Variants in KPNA1 observed in about 807,000 individuals in gnomAD.
KPNA1 encodes the protein importin subunit alpha-5.
In KPNA1, 10 loss-of-function variants were observed where a neutral mutation model predicts 70.5. That is an observed-to-expected ratio of 0.14 (90% CI 0.09 to 0.24). The LOEUF (loss-of-function observed/expected upper bound fraction) is 0.24, where lower values mean the gene tolerates loss of function less well. Ranked by LOEUF, KPNA1 falls within the 10% of genes least tolerant of loss-of-function variation. The pLI is 1.00. For missense variants in KPNA1, 397 were observed against 637.9 expected, an observed-to-expected ratio of 0.62 and a Z score of 4.07; for synonymous variants, 192 against 221.9, an observed-to-expected ratio of 0.87 and a Z score of 1.20.
At chr3:122,436,872 G>A (rs574429371) in intron 11 of KPNA1, among the ~76,000 whole-genome samples, 8 of 152,284 alleles carry the variant, frequency 5.3e-5, no homozygotes, top group East Asian at 3.9e-4. Context: ...CTACCTCCAC[G>A]GTTCAAGTAA....
intron 2 of KPNA1, among the ~76,000 whole-genome samples, chr3:122,494,519 G>A (rs905638572): frequency 2.6e-5 from 4 of 152,102 alleles, no homozygotes; most frequent in African/African-American, 9.7e-5. Context: ...GTACTGTGCT[G>A]TTTTCAATTA....
intron 4 of KPNA1, among the ~76,000 whole-genome samples, chr3:122,463,191 A>C (rs1423230483): frequency 6.6e-6 from 1 of 152,150 alleles, no homozygotes; most frequent in Admixed American, 6.5e-5. Flanking sequence ...TACTAAAAAT[A>C]CAAAAAATTA....
intron 1 of KPNA1, among the ~76,000 whole-genome samples, chr3:122,506,945 GTGTAAGAC>G: frequency 6.6e-6 from 1 of 152,278 alleles, no homozygotes; most frequent in Middle Eastern, 3.4e-3. Flanking sequence ...CTAGTAGTAT[GTGTAAGAC>G]TGTTCACTGC....
chr3:122,468,512 T>G (rs1398149943), intron 2 of KPNA1, among the ~76,000 whole-genome samples: 1 of 152,172 alleles, frequency 6.6e-6, no homozygotes, highest in Non-Finnish European at 1.5e-5. Flanking sequence ...AAAGGCCTAT[T>G]TAACAGTAGT....
chr3:122,480,673 A>G (rs1279834244), intron 2 of KPNA1, among the ~76,000 whole-genome samples: 1 of 147,676 alleles, frequency 6.8e-6, no homozygotes, highest in Non-Finnish European at 1.5e-5. Context: ...TTCTCATTTA[A>G]AAAAAAAAAA....
chr3:122,466,925 C>A (rs2076386142), intron 3 of KPNA1, among the ~76,000 whole-genome samples: 1 of 151,828 alleles, frequency 6.6e-6, no homozygotes, highest in Non-Finnish European at 1.5e-5. Context: ...CACTTAAGCC[C>A]AGGAGTTCGA....
At chr3:122,449,815 C>G (rs1469435526) in intron 8 of KPNA1, 78 bp from the exon 9 acceptor site, 7 of 1,179,330 alleles carry the variant, frequency 5.9e-6, no homozygotes, top group Non-Finnish European at 8.4e-6. Flanking sequence ...AGAAGGCAAC[C>G]AGGCATGTAC....
chr3:122,514,734 G>A (rs2076999193), intron 1 of KPNA1, 23 bp downstream of exon 1: 1 of 152,350 alleles, frequency 6.6e-6, no homozygotes, highest in Non-Finnish European at 1.5e-5. Context: ...GAGGGGCCGG[G>A]GCCGCAAGGC....
At chr3:122,470,280 C>T (rs1450303096) in intron 2 of KPNA1, among the ~76,000 whole-genome samples, 1 of 151,920 alleles carries the variant, frequency 6.6e-6, no homozygotes, top group African/African-American at 2.4e-5. Flanking sequence ...TGGGAGGAGG[C>T]GGCGGGTGGA....
intron 2 of KPNA1, among the ~76,000 whole-genome samples, chr3:122,470,359 A>C (rs2076427157): frequency 6.6e-6 from 1 of 151,942 alleles, no homozygotes. Context: ...AAAAATACAA[A>C]AAATTAGCCG....
intron 2 of KPNA1, among the ~76,000 whole-genome samples, chr3:122,477,349 T>C (rs897030484): frequency 4.6e-5 from 7 of 152,196 alleles, no homozygotes; most frequent in African/African-American, 7.2e-5. Flanking sequence ...AAGAGATCTA[T>C]TGTACAACAT....
At chr3:122,496,943 A>T (rs529931518) in intron 1 of KPNA1, among the ~76,000 whole-genome samples, 2 of 152,164 alleles carry the variant, frequency 1.3e-5, no homozygotes, top group Non-Finnish European at 2.9e-5. Context: ...GCTTCAAGTG[A>T]TCCCCCAACC....
intron 2 of KPNA1, among the ~76,000 whole-genome samples, chr3:122,478,568 A>G (rs2076532292): frequency 6.6e-6 from 1 of 152,014 alleles, no homozygotes; most frequent in Non-Finnish European, 1.5e-5. Context: ...CTAAAAATAC[A>G]AAAATTAGCT....
intron 2 of KPNA1, among the ~76,000 whole-genome samples, chr3:122,468,001 T>C (rs1232383371): frequency 6.6e-6 from 1 of 152,168 alleles, no homozygotes; most frequent in Non-Finnish European, 1.5e-5. Flanking sequence ...ACGAGGGTGA[T>C]TACCATTATA....
At chr3:122,467,238 C>T in intron 3 of KPNA1, 84 bp downstream of exon 3, 1 of 643,240 alleles carries the variant, frequency 1.6e-6, no homozygotes, top group South Asian at 2.1e-5. Flanking sequence ...TTTTTGTAGC[C>T]ATCTAACCTT....
chr3:122,503,232 A>C (rs2076850242), intron 1 of KPNA1, among the ~76,000 whole-genome samples: 1 of 151,852 alleles, frequency 6.6e-6, no homozygotes, highest in Non-Finnish European at 1.5e-5. Flanking sequence ...TAAGCAATTA[A>C]AGCCAGTGTT....
At chr3:122,466,380 A>AT (rs1484760228) in intron 3 of KPNA1, among the ~76,000 whole-genome samples, 1 of 151,890 alleles carries the variant, frequency 6.6e-6, no homozygotes, top group African/African-American at 2.4e-5. Flanking sequence ...ATTTTTCTTC[A>AT]TTTTTTTTAA....
At chr3:122,436,524 C>T (rs2075990853) in intron 11 of KPNA1, among the ~76,000 whole-genome samples, 2 of 152,196 alleles carry the variant, frequency 1.3e-5, no homozygotes, top group Non-Finnish European at 2.9e-5. Flanking sequence ...GTACTCTTTC[C>T]CTTTATTTCT....
intron 6 of KPNA1, among the ~76,000 whole-genome samples, chr3:122,452,881 A>AT (rs1179560965): frequency 6.6e-6 from 1 of 152,198 alleles, no homozygotes; most frequent in Non-Finnish European, 1.5e-5. Flanking sequence ...TCTTGCTTAC[A>AT]TAAGAAAACA....
Sources: gnomAD v4.1 joint callset for allele counts (sites outside exome capture counted in the v4.1 genomes callset) on GRCh38, gnomAD v4.1.1 for gene constraint, MANE v1.5 for transcripts, NCBI Gene and HGNC (gene_info 2026-07-23, HGNC 2026-07-21) for gene names.